ITGA11: variants seen among roughly 807,000 people sequenced by gnomAD.
ITGA11 encodes the protein integrin subunit alpha 11.
ITGA11 carries 97 observed loss-of-function variants against 141.9 expected under a neutral mutation model. The ratio of observed to expected loss-of-function variants is 0.68; its 90% CI spans 0.58 to 0.81. The LOEUF is 0.81. Among genes scored for constraint, ITGA11 ranks in the 30% least tolerant of loss-of-function variants. The pLI is 0.00. For missense variants in ITGA11, 1,387 were observed against 1,559.2 expected (o/e 0.89, Z 1.86); for synonymous variants, 658 against 624.6 (o/e 1.05, Z -0.80).
chr15:68,297,432 C>CATTTTTTT lies in ITGA11; in HGVS notation c.*5626_*5627insAAAAAAAT, dbSNP rs1555444378. ...ATCTGTACAGTTCTGCACTTCTGAGCTTTTTTTTTTTTTTTTTTTTTATCC... is the reference window on the plus strand; with the variant it reads ...ATCTGTACAGTTCTGCACTTCTGAGCATTTTTTTTTTTTTTTTTTTTTTTTTTTTATCC... On this transcript the variant is annotated 3_prime_UTR_variant, in exon 30 of 30. Coordinates refer to ENST00000315757, the MANE Select transcript of ITGA11 (RefSeq NM_001004439.2). 1.0e-5 allele frequency: 1 copy of CATTTTTTT among 95,830 alleles called. No individual in the cohort carries two copies. Among genetic ancestry groups the CATTTTTTT allele is most frequent in the African/African-American group, 4.1e-5 (1 of 24,292 alleles). The allele number at this position is 95,830 out of a possible 1,614,324, so 5.9% of individuals were successfully genotyped here. A position where few individuals can be genotyped will look rare whatever the true frequency, so the allele number is the denominator to read the frequency against.
At position 68,369,253 on chromosome 15, in the gene ITGA11, C is replaced by T. The variant is rs780483250; in HGVS notation, c.196G>A (p.Gly66Ser). 6.2e-7 allele frequency: 1 copy of T among 1,613,942 alleles called. No individual in the cohort carries two copies. Among genetic ancestry groups the T allele is most frequent in the African/African-American group, 1.3e-5 (1 of 75,014 alleles). Reference protein sequence around the residue: ...LVVGAPLETNGYQKTGDVYKC... With the variant: ...LVVGAPLETNSYQKTGDVYKC... Reference sequence around the variant, plus strand: ...TACACGTCTCCCGTCTTCTGGTAGCCATTGGTTTCCAGTGGGGCGCCCACG... The same window carrying T: ...TACACGTCTCCCGTCTTCTGGTAGCTATTGGTTTCCAGTGGGGCGCCCACG... Residue 66 changes from glycine to serine, a missense_variant, in exon 3 of 30, where the codon GGC (glycine) becomes AGC (serine). Coordinates refer to ENST00000315757, the MANE Select transcript of ITGA11 (RefSeq NM_001004439.2).
At chr15:68,420,043 G>C (rs929817589) in intron 1 of ITGA11, among the ~76,000 whole-genome samples, 4 of 152,154 alleles carry the variant, frequency 2.6e-5, no homozygotes, top group Admixed American at 6.5e-5. Context: ...AAGCCACCAG[G>C]ACAGATTCTG....
In ITGA11 at chr15:68,321,935, A is replaced by T. The variant is rs1377788066; in HGVS notation, c.2323-432T>A. 1.3e-5 allele frequency among the ~76,000 whole-genome samples: 2 copies of T among 152,240 alleles called. No homozygotes were observed. Among genetic ancestry groups the T allele is most frequent in the African/African-American group, 2.4e-5 (1 of 41,458 alleles). ...GCAAAAAAACCGAAAAGAAATGTGC[A>T]TGAGGAATAGAAGAGGCAGAGAGGA... On this transcript the variant is annotated intron_variant, in intron 18 of 29. Coordinates refer to ENST00000315757, the MANE Select transcript of ITGA11 (RefSeq NM_001004439.2). The surrounding 1 kb of genome is among the most constrained non-coding windows in gnomAD (Gnocchi z 4.9).
At chr15:68,372,465 C>T (rs1429018061) in intron 2 of ITGA11, among the ~76,000 whole-genome samples, 1 of 152,322 alleles carries the variant, frequency 6.6e-6, no homozygotes, top group African/African-American at 2.4e-5. Context: ...GGCGAGCATC[C>T]GGCCCTTTCC....
chr15:68,375,549 AG>A (rs1383500288), intron 2 of ITGA11, among the ~76,000 whole-genome samples: 1 of 152,146 alleles, frequency 6.6e-6, no homozygotes, highest in Non-Finnish European at 1.5e-5. Flanking sequence ...GACCTGCCCA[AG>A]GGGAGAAGTT....
intron 2 of ITGA11, among the ~76,000 whole-genome samples, chr15:68,387,887 T>C (rs1896024632): frequency 6.6e-6 from 1 of 152,072 alleles, no homozygotes; most frequent in African/African-American, 2.4e-5. Context: ...TCTTTCTCCT[T>C]CCTCCTCATA....
intron 1 of ITGA11, among the ~76,000 whole-genome samples, chr15:68,407,699 C>A (rs1178557442): frequency 6.6e-6 from 1 of 152,150 alleles, no homozygotes. Context: ...GCCAAAGTTA[C>A]GTCAACTGTT....
chr15:68,353,272 C>A (rs773942866), intron 7 of ITGA11, among the ~76,000 whole-genome samples: 1 of 152,220 alleles, frequency 6.6e-6, no homozygotes, highest in Admixed American at 6.5e-5. Flanking sequence ...TAGCAATTCT[C>A]CGATATGCTG....
In ITGA11 at chr15:68,331,934, G is replaced by C. The variant is rs753756954; in HGVS notation, c.1695C>G (p.Pro565=). The change falls in exon 14 of 30, where the codon CCC becomes CCG. Residue 565 remains proline (P), a synonymous_variant. Coordinates refer to ENST00000315757, the MANE Select transcript of ITGA11 (RefSeq NM_001004439.2). Reference sequence around the variant, plus strand: ...TGGCTCCTGCGTGGTTGTCCTCCAGGGGGGCTCCCACCACCACGTCATTGT... The same window carrying C: ...TGGCTCCTGCGTGGTTGTCCTCCAGCGGGGCTCCCACCACCACGTCATTGT... ...DSYNDVVVGA[P]LEDNHAGAIY... 5.9e-5 allele frequency: 95 copies of C among 1,613,374 alleles called. No individual in the cohort carries two copies. The highest frequency in any genetic ancestry group is 7.6e-5 in the Non-Finnish European group (90 of 1,179,786).
chr15:68,342,124 T>C (rs1404232070), intron 10 of ITGA11, among the ~76,000 whole-genome samples: 1 of 152,114 alleles, frequency 6.6e-6, no homozygotes, highest in African/African-American at 2.4e-5. Flanking sequence ...AGCCCAGACA[T>C]TTTGAGTTTA....
chr15:68,409,524 GATTAGGTAGGT>G (rs1896723097), intron 1 of ITGA11, among the ~76,000 whole-genome samples: 1 of 151,294 alleles, frequency 6.6e-6, no homozygotes, highest in Non-Finnish European at 1.5e-5. Context: ...AGTACTACCT[GATTAGGTAGGT>G]ACTGATAGGT....
At chr15:68,362,140 C>T (rs1259480914) in intron 4 of ITGA11, among the ~76,000 whole-genome samples, 1 of 152,188 alleles carries the variant, frequency 6.6e-6, no homozygotes, top group Non-Finnish European at 1.5e-5. Context: ...ACTTCTAGGA[C>T]TGGGTCCCAA....
Position 68,303,653 on chromosome 15 carries a change from G to A in ITGA11, c.3495+119C>T. The A allele has an allele frequency of 1.5e-6, 1 of 645,774 alleles. No individual in the cohort carries two copies. The highest frequency in any genetic ancestry group is 2.7e-6 in the Non-Finnish European group (1 of 365,540). The allele number at this position is 645,774 out of a possible 1,614,324, so 40.0% of individuals were successfully genotyped here. On this transcript the variant is annotated intron_variant, in intron 29 of 29. Coordinates refer to ENST00000315757, the MANE Select transcript of ITGA11 (RefSeq NM_001004439.2). The surrounding 1 kb of genome is among the most constrained non-coding windows in gnomAD (Gnocchi z 5.3). ...AACCAGTGTGTCTGCTATGGCGAGG[G>A]GTGGGGTGCCAGCTCCCCTGGAGAG...
Position 68,355,447 on chromosome 15 carries a change from C to T in ITGA11, c.749+1704G>A, listed in dbSNP as rs373089858. Among the ~76,000 whole-genome samples the T allele has an allele frequency of 2.9e-3, 432 of 150,860 alleles. 2 individuals carry two copies. The highest frequency in any genetic ancestry group is 0.01 in the African/African-American group (410 of 40,750). ...AATACTACTAAATAGTTCTTTTTTT[C>T]TTTTTTTCTTTTTTTTTTGAGACAG... On this transcript the variant is annotated intron_variant, in intron 7 of 29. Coordinates refer to ENST00000315757, the MANE Select transcript of ITGA11 (RefSeq NM_001004439.2).
chr15:68,335,773 T>C lies in ITGA11; in HGVS notation c.1349A>G (p.His450Arg). 8.7e-6 allele frequency: 14 copies of C among 1,613,820 alleles called. No individual in the cohort carries two copies. Among genetic ancestry groups the C allele is most frequent in the Non-Finnish European group, 1.2e-5 (14 of 1,179,820 alleles). ...GGTGAACAGGATGACCTTGCCCGTGTGGTTGAACCGGGGGGCTCCGGCCAC... is the reference window on the plus strand; with the variant it reads ...GGTGAACAGGATGACCTTGCCCGTGCGGTTGAACCGGGGGGCTCCGGCCAC... The part of the protein sequence containing the change: ...VYVAGAPRFN[H>R]TGKVILFTMH... Residue 450 changes from histidine (H) to arginine (R), a missense_variant, in exon 12 of 30, where the codon CAC (histidine) becomes CGC (arginine). Transcript: ENST00000315757. The surrounding 1 kb of genome is among the most constrained non-coding windows in gnomAD (Gnocchi z 4.9).
intron 1 of ITGA11, among the ~76,000 whole-genome samples, chr15:68,413,613 C>T (rs530641786): frequency 1.3e-5 from 2 of 152,242 alleles, no homozygotes; most frequent in African/African-American, 2.4e-5. Flanking sequence ...TTGAGAGCCC[C>T]GGTGCCTCTC....
intron 2 of ITGA11, among the ~76,000 whole-genome samples, chr15:68,379,423 G>A (rs116188743): frequency 3.3e-5 from 5 of 152,238 alleles, no homozygotes; most frequent in East Asian, 3.8e-4. Flanking sequence ...TCCCCCCAGC[G>A]CTGGTCAAAT....
chr15:68,374,339 G>C (rs1357891139), intron 2 of ITGA11, among the ~76,000 whole-genome samples: 1 of 151,790 alleles, frequency 6.6e-6, no homozygotes, highest in African/African-American at 2.4e-5. Context: ...AGGGAACCCT[G>C]CATTCCAGAT....
In ITGA11 at chr15:68,431,635, C is replaced by T. The variant is rs575245656; in HGVS notation, c.52+380G>A. Among the ~76,000 whole-genome samples, 4 of 152,358 alleles carry T rather than the reference C, an allele frequency of 2.6e-5. No individual in the cohort carries two copies. In the South Asian group the frequency reaches 8.3e-4, roughly 32 times the overall value. ...CTTGGCGCTGATTCCCTTCCCCAGC[C>T]GGGGCCGTGCGCCCTCGGCGCTCCC... On this transcript the variant is annotated intron_variant, in intron 1 of 29. Transcript: ENST00000315757.
Sources: allele counts gnomAD v4.1 joint callset (sites outside exome capture counted in the v4.1 genomes callset), GRCh38; gene constraint gnomAD v4.1.1; non-coding constraint Gnocchi (gnomAD v3.1); transcripts MANE v1.5; gene names NCBI Gene and HGNC (gene_info 2026-07-23, HGNC 2026-07-21).